Variants in L2HGDH observed in about 807,000 individuals in gnomAD.
The protein encoded by L2HGDH is L-2-hydroxyglutarate dehydrogenase, mitochondrial.
L2HGDH carries 34 observed loss-of-function variants against 51.5 expected under a neutral mutation model. The ratio of observed to expected loss-of-function variants is 0.66; its 90% CI spans 0.50 to 0.88. The LOEUF (loss-of-function observed/expected upper bound fraction) is 0.88, where lower values mean the gene tolerates loss of function less well. L2HGDH is among the 40% of genes least tolerant of loss of function. The pLI, the probability that L2HGDH is intolerant of heterozygous loss-of-function variation, is 0.00. For missense variants in L2HGDH, 558 were observed against 571.9 expected, an observed-to-expected ratio of 0.98 and a Z score of 0.25; for synonymous variants, 198 against 197.9, an observed-to-expected ratio of 1.00 and a Z score of -0.01.
chr14:50,255,716 A>G (rs1315001271), intron 9 of L2HGDH, among the ~76,000 whole-genome samples: 1 of 152,042 alleles, frequency 6.6e-6, no homozygotes, highest in African/African-American at 2.4e-5. Context: ...TTAAAATTTA[A>G]AATTTCTATT....
intron 9 of L2HGDH, among the ~76,000 whole-genome samples, chr14:50,251,953 C>T (rs1888377837): frequency 6.6e-6 from 1 of 151,948 alleles, no homozygotes; most frequent in African/African-American, 2.4e-5. Context: ...ACAGCAAGCA[C>T]ACATAAAAAA....
Position 50,264,296 on chromosome 14 carries a change from T to A in L2HGDH, c.1196+1062A>T, listed in dbSNP as rs144399665. On this transcript the variant is annotated intron_variant, in intron 9 of 9. Coordinates refer to ENST00000267436, the MANE Select transcript of L2HGDH (RefSeq NM_024884.3). The stretch of plus-strand genomic sequence containing the variant: ...AGGAGGCTGAGGCAGGGGAATTGCT[T>A]GAACCCAGGAGGCAGAGGTTGCAGC... 6.1e-3 allele frequency among the ~76,000 whole-genome samples: 934 copies of A among 152,130 alleles called. 11 individuals carry two copies. The highest frequency in any genetic ancestry group is 0.021 in the African/African-American group (875 of 41,538).
chr14:50,297,923 A>C (rs1225522065), intron 3 of L2HGDH, among the ~76,000 whole-genome samples: 1 of 134,776 alleles, frequency 7.4e-6, no homozygotes, highest in East Asian at 2.2e-4. Context: ...CAACGGAGGG[A>C]GATCCTAACT....
intron 5 of L2HGDH, among the ~76,000 whole-genome samples, chr14:50,279,591 G>A (rs1280932701): frequency 6.6e-6 from 1 of 152,012 alleles, no homozygotes; most frequent in African/African-American, 2.4e-5. Context: ...TGTAATCCCA[G>A]CATTTTGGGA....
At chr14:50,277,193 A>G (rs908360112) in intron 6 of L2HGDH, among the ~76,000 whole-genome samples, 1 of 144,848 alleles carries the variant, frequency 6.9e-6, no homozygotes, top group African/African-American at 2.5e-5. Context: ...GATAAAGTAG[A>G]CTGTTTTTTT....
At chr14:50,288,668 T>C (rs74889514) in intron 4 of L2HGDH, among the ~76,000 whole-genome samples, 14,125 of 152,258 alleles carry the variant, frequency 0.093, 759 homozygotes, top group Non-Finnish European at 0.12. Flanking sequence ...TGACCTCAGA[T>C]GATCCGCCTA....
intron 4 of L2HGDH, among the ~76,000 whole-genome samples, chr14:50,290,062 A>C (rs1435925190): frequency 2.0e-5 from 3 of 152,128 alleles, no homozygotes; most frequent in Admixed American, 6.5e-5. Flanking sequence ...TCAGGAGATC[A>C]AGACCATCCT....
At position 50,272,960 on chromosome 14, in the gene L2HGDH, A is replaced by G. The variant is rs573713405; in HGVS notation, c.739-3630T>C. ...CACAACTGAACAGCCACAGCACCAG[A>G]GCCCCACTCATGAGTGGCCCTGAAG... On this transcript the variant is annotated intron_variant, in intron 6 of 9. Coordinates refer to ENST00000267436, the MANE Select transcript of L2HGDH (RefSeq NM_024884.3). Among the ~76,000 whole-genome samples the G allele has an allele frequency of 3.9e-5, 6 of 152,282 alleles. No individual in the cohort carries two copies. The South Asian group carries it at 1.2e-3, about 32-fold the overall frequency.
intron 9 of L2HGDH, among the ~76,000 whole-genome samples, chr14:50,250,742 A>G (rs1391271365): frequency 1.3e-5 from 2 of 152,236 alleles, no homozygotes; most frequent in Non-Finnish European, 2.9e-5. Context: ...AAGTAAGGGA[A>G]AAGAACAAGA....
chr14:50,296,689 CA>C (rs1490656292), intron 3 of L2HGDH, among the ~76,000 whole-genome samples: 1 of 150,604 alleles, frequency 6.6e-6, no homozygotes, highest in African/African-American at 2.4e-5. Flanking sequence ...TAAACTGTTC[CA>C]AAAAACAGAA....
chr14:50,242,685 G>C lies in L2HGDH; in HGVS notation c.*4373C>G. On this transcript the variant is annotated 3_prime_UTR_variant, in exon 10 of 10. Coordinates refer to ENST00000267436, the MANE Select transcript of L2HGDH (RefSeq NM_024884.3). ...TTTGCTTTCCCAACCATTTCACCCT[G>C]TCCTTCTACCTTAAGCCCTGATGAA... 1 of 985,390 alleles carries C rather than the reference G, an allele frequency of 1.0e-6. No individual in the cohort carries two copies. The highest frequency in any genetic ancestry group is 1.2e-6 in the Non-Finnish European group (1 of 829,928). The allele number at this position is 985,390 out of a possible 1,614,324, so 61.0% of individuals were successfully genotyped here.
intron 9 of L2HGDH, among the ~76,000 whole-genome samples, chr14:50,258,621 C>T (rs1218962614): frequency 6.6e-6 from 1 of 151,994 alleles, no homozygotes. Flanking sequence ...TCAAGCAATC[C>T]TCCTGCCTCA....
intron 4 of L2HGDH, among the ~76,000 whole-genome samples, chr14:50,289,527 C>T (rs188969980): frequency 2.2e-4 from 34 of 152,250 alleles, no homozygotes; most frequent in African/African-American, 7.2e-4. Flanking sequence ...ATTCAGGGAG[C>T]ACCTCATTCA....
At chr14:50,265,613 C>G (rs1363666846) in intron 8 of L2HGDH, 124 bp from the exon 9 acceptor site, 3 of 916,300 alleles carry the variant, frequency 3.3e-6, no homozygotes, top group Non-Finnish European at 4.9e-6. Context: ...AGAAAAACTA[C>G]AGATTAAAAG....
intron 1 of L2HGDH, among the ~76,000 whole-genome samples, chr14:50,309,811 T>C (rs1049827333): frequency 3.4e-4 from 52 of 150,970 alleles, no homozygotes; most frequent in African/African-American, 1.3e-3. Context: ...GCCCCACAAG[T>C]GGCTGGGACT....
At chr14:50,310,451 A>T (rs1405604951) in intron 1 of L2HGDH, among the ~76,000 whole-genome samples, 1 of 152,140 alleles carries the variant, frequency 6.6e-6, no homozygotes, top group African/African-American at 2.4e-5. Flanking sequence ...TCACACCTGT[A>T]ATCTCAGCAC....
chr14:50,302,196 G>A (rs372819315), intron 2 of L2HGDH, 28 bp from the exon 3 acceptor site: 5 of 1,610,550 alleles, frequency 3.1e-6, no homozygotes, highest in African/African-American at 2.7e-5. Context: ...CAGGGTAAGA[G>A]TAAGTACATG....
chr14:50,293,091 T>C (rs1382465704), intron 4 of L2HGDH: 3 of 613,758 alleles, frequency 4.9e-6, no homozygotes, highest in Non-Finnish European at 8.8e-6. Context: ...CTAGCCTGGG[T>C]GACAGAGTAA....
rs2139913451 is a variant in L2HGDH at position 50,243,189 on chromosome 14, T to C, written c.*3869A>G. 1 of 985,370 alleles carries C rather than the reference T, an allele frequency of 1.0e-6. No individual in the cohort carries two copies. Among genetic ancestry groups the C allele is most frequent in the Non-Finnish European group, 1.2e-6 (1 of 829,882 alleles). 61.0% of individuals were successfully genotyped at this position (985,370 alleles called of 1,614,324 possible). A position where few individuals can be genotyped will look rare whatever the true frequency, so the allele number is the denominator to read the frequency against. ...GGAAGGACTTTGATATACACATATA[T>C]GTATGGATAAAAGAGTTAAGCTACG... On this transcript the variant is annotated 3_prime_UTR_variant, in exon 10 of 10. Coordinates refer to ENST00000267436, the MANE Select transcript of L2HGDH (RefSeq NM_024884.3).
Sources: gnomAD v4.1 joint callset for allele counts (sites outside exome capture counted in the v4.1 genomes callset) on GRCh38, gnomAD v4.1.1 for gene constraint, MANE v1.5 for transcripts, NCBI Gene and HGNC (gene_info 2026-07-23, HGNC 2026-07-21) for gene names.